Variants in KALRN observed in about 807,000 individuals in gnomAD.
KALRN encodes kalirin.
In KALRN, 70 loss-of-function variants were observed where a neutral mutation model predicts 353.7. The observed-to-expected ratio is 0.20, with a 90% CI of 0.16 to 0.24. The LOEUF (loss-of-function observed/expected upper bound fraction) is 0.24, where lower values mean the gene tolerates loss of function less well. Among genes scored for constraint, KALRN ranks in the 10% least tolerant of loss-of-function variants. The pLI, the probability that KALRN is intolerant of heterozygous loss-of-function variation, is 1.00. For synonymous variants in KALRN, 1,391 were observed against 1,434.8 expected (o/e 0.97, Z 0.69); for missense variants, 2,791 against 3,756.7 (o/e 0.74, Z 6.72).
intron 3 of KALRN, among the ~76,000 whole-genome samples, chr3:124,262,298 G>A (rs2072991335): frequency 1.3e-5 from 2 of 152,148 alleles, no homozygotes; most frequent in Admixed American, 6.6e-5. Context: ...AAAACTCTAC[G>A]CACAGAAAAG....
At chr3:124,063,758 G>A (rs1254934778) in intron 1 of KALRN, among the ~76,000 whole-genome samples, 2 of 152,084 alleles carry the variant, frequency 1.3e-5, no homozygotes, top group African/African-American at 4.8e-5. Flanking sequence ...AACTTCTCTG[G>A]GGAGCTTACA....
In KALRN at chr3:124,655,476, A is replaced by G. The variant is rs145726281; in HGVS notation, c.5796-125A>G. ...CATCCGTAAGCATCTTTCCCAGGAG[A>G]TAAGTGTGGGTGTTTTAAGGGGTCT... On this transcript the variant is annotated intron_variant, in intron 38 of 59. Coordinates refer to ENST00000682506, the MANE Select transcript of KALRN (RefSeq NM_001388419.1). 7.5e-3 allele frequency: 5,224 copies of G among 699,084 alleles called. 164 individuals are homozygous for G. Among genetic ancestry groups the G allele is most frequent in the Admixed American group, 0.068 (3,108 of 45,534 alleles). The allele number at this position is 699,084 out of a possible 1,614,324, so 43.3% of individuals were successfully genotyped here. A position where few individuals can be genotyped will look rare whatever the true frequency, so the allele number is the denominator to read the frequency against.
At chr3:124,258,801 G>T (rs1025006117) in intron 3 of KALRN, among the ~76,000 whole-genome samples, 3 of 152,124 alleles carry the variant, frequency 2.0e-5, no homozygotes, top group Non-Finnish European at 4.4e-5. Flanking sequence ...CTCTAAATCT[G>T]CTGGTTTCAC....
intron 1 of KALRN, among the ~76,000 whole-genome samples, chr3:124,128,317 G>A (rs1319183402): frequency 1.3e-5 from 2 of 152,298 alleles, no homozygotes; most frequent in South Asian, 2.1e-4. Context: ...TGTTATGCTT[G>A]TTTGTCTGGT....
At chr3:124,685,133 T>C (rs980052311) in intron 51 of KALRN, among the ~76,000 whole-genome samples, 2 of 152,172 alleles carry the variant, frequency 1.3e-5, no homozygotes, top group African/African-American at 2.4e-5. Context: ...AAAGAACCCT[T>C]TGGATGAAAA....
At chr3:124,687,786 T>A (rs887707189) in intron 51 of KALRN, among the ~76,000 whole-genome samples, 2 of 151,852 alleles carry the variant, frequency 1.3e-5, no homozygotes, top group East Asian at 3.9e-4. Flanking sequence ...TTAGAAATCA[T>A]CAACAAAAAT....
intron 1 of KALRN, among the ~76,000 whole-genome samples, chr3:124,059,111 G>A (rs1333354070): frequency 1.3e-5 from 2 of 151,968 alleles, no homozygotes; most frequent in Admixed American, 6.6e-5. Flanking sequence ...CTCAGTTCAC[G>A]GTACCTTAAC....
At chr3:124,518,743 G>A (rs1219030724) in intron 33 of KALRN, 1 of 1,371,852 alleles carries the variant, frequency 7.3e-7, no homozygotes, top group Non-Finnish European at 9.4e-7. Flanking sequence ...CCTGTGAGAG[G>A]CCCAATGGCC....
chr3:124,314,553 C>T (rs961556280), intron 6 of KALRN, among the ~76,000 whole-genome samples: 1 of 152,038 alleles, frequency 6.6e-6, no homozygotes, highest in Non-Finnish European at 1.5e-5. Context: ...TTGTCTGGCT[C>T]ACAGTTCTAC....
chr3:124,340,085 C>G (rs765024066), intron 9 of KALRN, among the ~76,000 whole-genome samples: 43 of 152,150 alleles, frequency 2.8e-4, no homozygotes, highest in African/African-American at 1.0e-3. Context: ...ATCAAATGAA[C>G]CCCCTGTTTA....
intron 38 of KALRN, among the ~76,000 whole-genome samples, chr3:124,652,136 G>C (rs2083485278): frequency 6.6e-6 from 1 of 152,152 alleles, no homozygotes; most frequent in Admixed American, 6.5e-5. Context: ...CCACAGACAT[G>C]AAAACTAGCA....
rs1250804033 is a variant in KALRN at position 124,679,501 on chromosome 3, C to G, written c.7361C>G (p.Pro2454Arg). ...SEESECDDLDPNTSMEILNPN... is the reference protein window; with the variant it reads ...SEESECDDLDRNTSMEILNPN... Reference sequence around the variant, plus strand: ...GAATCAGAGTGTGATGATCTTGACCCTAATACTAGCATGGAGGTAGAAGCA... The same window carrying G: ...GAATCAGAGTGTGATGATCTTGACCGTAATACTAGCATGGAGGTAGAAGCA... The change falls in exon 51 of 60, where the codon CCT becomes CGT. Residue 2454 changes from proline (P) to arginine (R), a missense_variant. By Grantham distance (103) the Pro-to-Arg change is moderately radical (BLOSUM62 -2). This residue lies in a region of KALRN where 1,065 missense variants were observed against 1,156.4 expected (regional missense o/e 0.92). Coordinates refer to ENST00000682506, the MANE Select transcript of KALRN (RefSeq NM_001388419.1). 1.2e-6 allele frequency: 2 copies of G among 1,613,944 alleles called. No individual in the cohort carries two copies. Among genetic ancestry groups the G allele is most frequent in the South Asian group, 2.2e-5 (2 of 91,080 alleles).
At chr3:124,294,151 A>G (rs1710913814) in intron 5 of KALRN, among the ~76,000 whole-genome samples, 1 of 152,038 alleles carries the variant, frequency 6.6e-6, no homozygotes, top group Non-Finnish European at 1.5e-5. Flanking sequence ...CTGGGGTAAG[A>G]GATCATTCAG....
intron 1 of KALRN, among the ~76,000 whole-genome samples, chr3:124,143,408 T>C (rs1448186941): frequency 6.6e-6 from 1 of 152,188 alleles, no homozygotes; most frequent in Non-Finnish European, 1.5e-5. Context: ...ATTGCTCTTT[T>C]TGATGACAGG....
intron 13 of KALRN, among the ~76,000 whole-genome samples, chr3:124,412,449 G>C (rs78175738): frequency 6.6e-6 from 1 of 152,156 alleles, no homozygotes; most frequent in African/African-American, 2.4e-5. Flanking sequence ...GGGTGTCATC[G>C]GGGTAGCATG....
At chr3:124,214,959 C>T (rs1318583180) in intron 1 of KALRN, among the ~76,000 whole-genome samples, 1 of 152,182 alleles carries the variant, frequency 6.6e-6, no homozygotes, top group African/African-American at 2.4e-5. Context: ...AGATGGTGGC[C>T]TCGCTATCAG....
intron 1 of KALRN, among the ~76,000 whole-genome samples, chr3:124,113,600 G>C (rs988220826): frequency 1.3e-5 from 2 of 152,204 alleles, no homozygotes; most frequent in South Asian, 2.1e-4. Context: ...TTGTGACTGG[G>C]ATATGTTTCC....
At chr3:124,650,398 G>A (rs954007326) in intron 37 of KALRN, among the ~76,000 whole-genome samples, 6 of 152,216 alleles carry the variant, frequency 3.9e-5, no homozygotes, top group African/African-American at 1.4e-4. Context: ...TGACTAGCAG[G>A]TCTGGGATTC....
intron 13 of KALRN, among the ~76,000 whole-genome samples, chr3:124,405,215 C>G (rs2091380404): frequency 6.6e-6 from 1 of 152,170 alleles, no homozygotes; most frequent in African/African-American, 2.4e-5. Flanking sequence ...GGATTTTTCA[C>G]ACAGCTTTAG....
Sources: allele counts gnomAD v4.1 joint callset (sites outside exome capture counted in the v4.1 genomes callset), GRCh38; gene constraint gnomAD v4.1.1; regional missense constraint gnomAD v4.1.1; transcripts MANE v1.5; gene names NCBI Gene and HGNC (gene_info 2026-07-23, HGNC 2026-07-21).